The following GPC5 variants were observed in gnomAD, a reference collection of about 807,000 sequenced individuals.
The protein encoded by GPC5 is glypican-5.
A neutral mutation model predicts 53.9 loss-of-function variants in GPC5; 47 were observed. The observed-to-expected ratio is 0.87, with a 90% CI of 0.69 to 1.11. The LOEUF (loss-of-function observed/expected upper bound fraction) is 1.11, where lower values mean the gene tolerates loss of function less well. GPC5 is among the 50% of genes most tolerant of loss of function. The pLI is 0.00. For synonymous variants in GPC5, 286 were observed against 263.3 expected (o/e 1.09, Z -0.84); for missense variants, 748 against 713.1 (o/e 1.05, Z -0.56).
At chr13:92,275,406 A>G (rs2042868341) in intron 7 of GPC5, among the ~76,000 whole-genome samples, 1 of 152,152 alleles carries the variant, frequency 6.6e-6, no homozygotes, top group Admixed American at 6.6e-5. Context: ...GATACACACT[A>G]AAACTACTTA....
chr13:91,440,884 G>A (rs996034981), intron 1 of GPC5, among the ~76,000 whole-genome samples: 1 of 152,166 alleles, frequency 6.6e-6, no homozygotes, highest in South Asian at 2.1e-4. Flanking sequence ...TATGGTTCAG[G>A]GGTCAGCCAG....
intron 2 of GPC5, among the ~76,000 whole-genome samples, chr13:91,539,382 A>G (rs1360361645): frequency 6.6e-6 from 1 of 152,172 alleles, no homozygotes; most frequent in Non-Finnish European, 1.5e-5. Flanking sequence ...ATATGTTATC[A>G]GGAATCTTTT....
intron 7 of GPC5, among the ~76,000 whole-genome samples, chr13:92,242,116 C>A (rs938747709): frequency 7.2e-5 from 11 of 151,734 alleles, no homozygotes; most frequent in Admixed American, 7.2e-4. Context: ...ACCTGTAATC[C>A]CAGCTGCTCC....
intron 2 of GPC5, among the ~76,000 whole-genome samples, chr13:91,498,794 AC>A (rs913599407): frequency 6.6e-6 from 1 of 151,168 alleles, no homozygotes; most frequent in Non-Finnish European, 1.5e-5. Flanking sequence ...ACATGGTGAA[AC>A]CCCGTCTCTA....
intron 7 of GPC5, among the ~76,000 whole-genome samples, chr13:92,813,158 G>A (rs1877354507): frequency 6.6e-6 from 1 of 151,832 alleles, no homozygotes; most frequent in African/African-American, 2.4e-5. Context: ...TTGGAGTTCT[G>A]TAATTCTGGC....
chr13:91,954,468 A>G (rs2040055287), intron 6 of GPC5, among the ~76,000 whole-genome samples: 1 of 152,176 alleles, frequency 6.6e-6, no homozygotes, highest in African/African-American at 2.4e-5. Flanking sequence ...AAATAAATAC[A>G]AATAAGCAAA....
chr13:91,534,255 C>A (rs1886478833), intron 2 of GPC5, among the ~76,000 whole-genome samples: 1 of 152,014 alleles, frequency 6.6e-6, no homozygotes, highest in Admixed American at 6.5e-5. Flanking sequence ...TCATAGAAAC[C>A]CTATGTGTTA....
chr13:92,082,484 A>C (rs1479993415), intron 6 of GPC5, among the ~76,000 whole-genome samples: 1 of 152,134 alleles, frequency 6.6e-6, no homozygotes, highest in Non-Finnish European at 1.5e-5. Context: ...GTGTGTATTA[A>C]ATGTCCACTT....
At chr13:92,039,341 A>T (rs951819505) in intron 6 of GPC5, among the ~76,000 whole-genome samples, 2 of 152,234 alleles carry the variant, frequency 1.3e-5, no homozygotes, top group Non-Finnish European at 2.9e-5. Flanking sequence ...AAAATGATGG[A>T]ACAGAGTAGA....
At chr13:92,703,773 T>C (rs1887846609) in intron 7 of GPC5, among the ~76,000 whole-genome samples, 1 of 151,820 alleles carries the variant, frequency 6.6e-6, no homozygotes, top group African/African-American at 2.4e-5. Context: ...AAAATGTAGA[T>C]TTTAATTAAC....
At chr13:92,654,783 C>G (rs1252359500) in intron 7 of GPC5, among the ~76,000 whole-genome samples, 4 of 151,526 alleles carry the variant, frequency 2.6e-5, no homozygotes, top group Admixed American at 2.6e-4. Context: ...TAAATGTATC[C>G]CCCCAAATTT....
rs147152474 is a variant in GPC5 at position 91,426,260 on chromosome 13, C to T, written c.164-22501C>T. Among the ~76,000 whole-genome samples, 100 of 151,890 alleles carry T rather than the reference C, an allele frequency of 6.6e-4. 1 individual carries two copies. The highest frequency in any genetic ancestry group is 2.1e-3 in the African/African-American group (89 of 41,410). Reference sequence around the variant, plus strand: ...CAGAGACCTTCCCGGTAGCCCCTCCCGTCACAGGCCTGGAGTCCTACAGGG... The same window carrying T: ...CAGAGACCTTCCCGGTAGCCCCTCCTGTCACAGGCCTGGAGTCCTACAGGG... On this transcript the variant is annotated intron_variant, in intron 1 of 7. Transcript: ENST00000377067.
Position 92,008,059 on chromosome 13 carries a change from A to ATT in GPC5, c.1401+100022_1401+100023dup, listed in dbSNP as rs33911884. Among the ~76,000 whole-genome samples the ATT allele has an allele frequency of 9.5e-3, 1,211 of 127,150 alleles. 20 individuals carry two copies. The highest frequency in any genetic ancestry group is 0.032 in the East Asian group (135 of 4,220). The allele number at this position is 127,150 out of a possible 152,430, so 83.4% of individuals were successfully genotyped here. A position where few individuals can be genotyped will look rare whatever the true frequency, so the allele number is the denominator to read the frequency against. On this transcript the variant is annotated intron_variant, in intron 6 of 7. Coordinates refer to ENST00000377067, the MANE Select transcript of GPC5 (RefSeq NM_004466.6). ...TCAAAGAACACGGTGAATGAGAATA[A>ATT]TTTTTTTTTTTTTTTTTTTTTGAGA...
In GPC5 at chr13:92,670,891, A is replaced by G. The variant is rs1400643385; in HGVS notation, c.1562-195391A>G. On this transcript the variant is annotated intron_variant, in intron 7 of 7. Coordinates refer to ENST00000377067, the MANE Select transcript of GPC5 (RefSeq NM_004466.6). ...GCAGTCCTGGAGCAGTAACATGACTACTTTTTGTGGCAAAAAGGCTGCTCC... is the reference window on the plus strand; with the variant it reads ...GCAGTCCTGGAGCAGTAACATGACTGCTTTTTGTGGCAAAAAGGCTGCTCC... Among the ~76,000 whole-genome samples the G allele has an allele frequency of 2.6e-5, 4 of 152,188 alleles. No individual in the cohort carries two copies. In the East Asian group the frequency reaches 7.8e-4, roughly 30 times the overall value.
intron 2 of GPC5, among the ~76,000 whole-genome samples, chr13:91,659,273 A>T (rs1446542130): frequency 6.6e-6 from 1 of 152,226 alleles, no homozygotes; most frequent in Non-Finnish European, 1.5e-5. Context: ...GGTGCAAGCC[A>T]ATAGGGAGCT....
chr13:92,336,619 A>G (rs2043325192), intron 7 of GPC5, among the ~76,000 whole-genome samples: 1 of 152,162 alleles, frequency 6.6e-6, no homozygotes, highest in South Asian at 2.1e-4. Context: ...TACATATTAC[A>G]CATTTCCATA....
intron 2 of GPC5, among the ~76,000 whole-genome samples, chr13:91,616,591 G>T (rs891030472): frequency 4.0e-5 from 6 of 151,588 alleles, no homozygotes; most frequent in African/African-American, 1.5e-4. Context: ...GAATTTAATT[G>T]TTTATCTCTG....
At chr13:92,407,173 C>T (rs1293875878) in intron 7 of GPC5, among the ~76,000 whole-genome samples, 1 of 152,176 alleles carries the variant, frequency 6.6e-6, no homozygotes, top group African/African-American at 2.4e-5. Flanking sequence ...AATTCATCAA[C>T]ATTTCTTTCA....
chr13:92,620,433 C>T (rs1884834058), intron 7 of GPC5, among the ~76,000 whole-genome samples: 3 of 152,212 alleles, frequency 2.0e-5, no homozygotes, highest in South Asian at 4.1e-4. Flanking sequence ...AGGAAGGAGA[C>T]CTTCAGAAAT....
Sources: gnomAD v4.1 joint callset for allele counts (sites outside exome capture counted in the v4.1 genomes callset) on GRCh38, gnomAD v4.1.1 for gene constraint, MANE v1.5 for transcripts, NCBI Gene and HGNC (gene_info 2026-07-23, HGNC 2026-07-21) for gene names.